The following MOCOS variants were observed in gnomAD, a reference collection of about 807,000 sequenced individuals.
The protein encoded by MOCOS is molybdenum cofactor sulfurase, also known as human molybdenum cofactor sulfurase.
MOCOS carries 86 observed loss-of-function variants against 83.6 expected under a neutral mutation model. That is an observed-to-expected ratio of 1.03 (90% CI 0.86 to 1.23). The LOEUF is 1.23. MOCOS is among the 50% of genes most tolerant of loss of function. The probability of loss-of-function intolerance (pLI) is 0.00; values close to 1 mark genes in which losing one functional copy is unlikely to be tolerated. For synonymous variants in MOCOS, 445 were observed against 434.7 expected, an observed-to-expected ratio of 1.02 and a Z score of -0.29; for missense variants, 1,120 against 1,126.9, an observed-to-expected ratio of 0.99 and a Z score of 0.09.
intron 13 of MOCOS, among the ~76,000 whole-genome samples, chr18:36,262,276 C>CACACACACACACACACACACA (rs1555656486): frequency 1.3e-5 from 2 of 151,108 alleles, no homozygotes; most frequent in Admixed American, 6.6e-5. Context: ...CACACACACA[C>CACACACACACACACACACACA]GAAAAATTAG....
Position 36,257,011 on chromosome 18 carries a change from G to GGC in MOCOS, c.2209_2210dup (p.Gln738HisfsTer5). The stretch of plus-strand genomic sequence containing the variant: ...TGGCCACCCTTTCTCTGGTGAATGA[G>GGC]GCACAGTATCTGCTGATCAACACAT... On this transcript the variant is annotated frameshift_variant, in exon 12 of 15. Transcript: ENST00000261326. LOFTEE classifies it high-confidence loss of function. 6.2e-7 allele frequency: 1 copy of GGC among 1,614,122 alleles called. No homozygotes were observed. The highest frequency in any genetic ancestry group is 8.5e-7 in the Non-Finnish European group (1 of 1,180,002).
At chr18:36,253,561 G>A (rs2091629628) in intron 11 of MOCOS, among the ~76,000 whole-genome samples, 1 of 152,040 alleles carries the variant, frequency 6.6e-6, no homozygotes, top group South Asian at 2.1e-4. Flanking sequence ...AGCTACTTGG[G>A]AGGCTGAGGC....
At chr18:36,227,209 G>A (rs1017779816) in intron 9 of MOCOS, among the ~76,000 whole-genome samples, 2 of 151,066 alleles carry the variant, frequency 1.3e-5, no homozygotes, top group African/African-American at 4.9e-5. Flanking sequence ...ACCACCCCTG[G>A]CCCATATTTG....
chr18:36,250,653 A>C (rs2091618513), intron 10 of MOCOS, among the ~76,000 whole-genome samples: 1 of 152,208 alleles, frequency 6.6e-6, no homozygotes, highest in Non-Finnish European at 1.5e-5. Context: ...ATTTTGGATA[A>C]ACAAAATTCT....
At chr18:36,195,626 G>A (rs1019621625) in intron 2 of MOCOS, among the ~76,000 whole-genome samples, 3 of 152,214 alleles carry the variant, frequency 2.0e-5, no homozygotes, top group African/African-American at 7.2e-5. Context: ...TGTATTTGGT[G>A]GTGGTGAGTG....
At chr18:36,203,086 C>T (rs1228656769) in intron 4 of MOCOS, 27 bp from the exon 5 acceptor site, 1 of 1,603,084 alleles carries the variant, frequency 6.2e-7, no homozygotes, top group Non-Finnish European at 8.5e-7. Flanking sequence ...CACAGCTTGA[C>T]CTGTTCTCCT....
chr18:36,209,860 C>G (rs2091447867), intron 6 of MOCOS, among the ~76,000 whole-genome samples: 1 of 152,076 alleles, frequency 6.6e-6, no homozygotes, highest in African/African-American at 2.4e-5. Flanking sequence ...AGTAGTGACA[C>G]CTGGCTAATT....
chr18:36,259,897 G>A (rs897496523), intron 12 of MOCOS, 140 bp from the exon 13 acceptor site: 3 of 1,208,298 alleles, frequency 2.5e-6, no homozygotes, highest in Admixed American at 1.7e-5. Flanking sequence ...CATGGTAAAA[G>A]TCTGTTTTGA....
intron 1 of MOCOS, among the ~76,000 whole-genome samples, chr18:36,190,659 G>A (rs2091361330): frequency 6.6e-6 from 1 of 152,054 alleles, no homozygotes; most frequent in Non-Finnish European, 1.5e-5. Flanking sequence ...TGAGGTGGGA[G>A]AATTGCTTGA....
chr18:36,203,013 A>C, intron 4 of MOCOS, 100 bp from the exon 5 acceptor site: 1 of 1,195,810 alleles, frequency 8.4e-7, no homozygotes. Flanking sequence ...AAACCACATC[A>C]ACAGCTAAGC....
intron 11 of MOCOS, among the ~76,000 whole-genome samples, chr18:36,254,316 G>A (rs917936074): frequency 6.6e-6 from 1 of 152,106 alleles, no homozygotes; most frequent in Non-Finnish European, 1.5e-5. Flanking sequence ...GTGATTTCCA[G>A]TATATTGTAA....
chr18:36,230,990 T>C (rs1216849236), intron 9 of MOCOS, among the ~76,000 whole-genome samples: 1 of 152,234 alleles, frequency 6.6e-6, no homozygotes, highest in Non-Finnish European at 1.5e-5. Context: ...AATGGAGCAC[T>C]GATGGAAGAC....
intron 9 of MOCOS, among the ~76,000 whole-genome samples, chr18:36,239,202 G>C (rs184329675): frequency 6.6e-5 from 10 of 152,070 alleles, no homozygotes; most frequent in African/African-American, 1.9e-4. Context: ...GATTTTGCTC[G>C]TTACTTGATG....
chr18:36,201,359 G>T (rs1477511003), intron 4 of MOCOS, among the ~76,000 whole-genome samples: 1 of 152,136 alleles, frequency 6.6e-6, no homozygotes, highest in African/African-American at 2.4e-5. Context: ...TGTTTTTTCT[G>T]TAAAGTAGAA....
chr18:36,199,640 G>A lies in MOCOS; in HGVS notation c.300-43G>A, dbSNP rs751248545. Reference sequence around the variant, plus strand: ...AACAGCCTGCAAACATTCAGTGCTGGGGCTGAGATCCGCGGGTTGCGGGGA... The same window carrying A: ...AACAGCCTGCAAACATTCAGTGCTGAGGCTGAGATCCGCGGGTTGCGGGGA... On this transcript the variant is annotated intron_variant, in intron 3 of 14. Coordinates refer to ENST00000261326, the MANE Select transcript of MOCOS (RefSeq NM_017947.4). The A allele has an allele frequency of 8.1e-6, 13 of 1,611,068 alleles. No individual in the cohort carries two copies. In the East Asian group the frequency reaches 2.9e-4, roughly 36 times the overall value.
chr18:36,256,772 T>C (rs368567302), intron 11 of MOCOS, 196 bp from the exon 12 acceptor site: 9 of 569,742 alleles, frequency 1.6e-5, no homozygotes, highest in African/African-American at 7.5e-5. Context: ...TTAAACAGAG[T>C]ATTCTAGAAT....
intron 9 of MOCOS, among the ~76,000 whole-genome samples, chr18:36,235,903 G>A (rs1335100861): frequency 1.7e-4 from 26 of 152,024 alleles, no homozygotes; most frequent in African/African-American, 5.5e-4. Context: ...ATTTTTTCAT[G>A]TGTTTTTTGC....
chr18:36,231,683 TTGTC>T (rs1161773876), intron 9 of MOCOS, among the ~76,000 whole-genome samples: 1 of 152,328 alleles, frequency 6.6e-6, no homozygotes, highest in East Asian at 1.9e-4. Context: ...GCCTTCATGC[TTGTC>T]TGTCTATTTC....
chr18:36,266,378 A>C (rs941343662), intron 13 of MOCOS, among the ~76,000 whole-genome samples: 1 of 152,050 alleles, frequency 6.6e-6, no homozygotes, highest in Non-Finnish European at 1.5e-5. Flanking sequence ...TCAAGTGAAC[A>C]GTCCGCCTCT....
Sources: allele counts gnomAD v4.1 joint callset (sites outside exome capture counted in the v4.1 genomes callset), GRCh38; gene constraint gnomAD v4.1.1; transcripts MANE v1.5; gene names NCBI Gene and HGNC (gene_info 2026-07-23, HGNC 2026-07-21).